The following ABCC9 variants were observed in gnomAD, a reference collection of about 807,000 sequenced individuals.
The protein encoded by ABCC9 is ATP binding cassette subfamily C member 9, also known as ATP-binding cassette sub-family C member 9.
Under a neutral mutation model 188.3 loss-of-function variants are expected in ABCC9, and 95 were observed. That is an observed-to-expected ratio of 0.50 (90% CI 0.43 to 0.60). The LOEUF (loss-of-function observed/expected upper bound fraction) is 0.60, where lower values mean the gene tolerates loss of function less well. ABCC9 is among the 20% of genes least tolerant of loss of function. The probability of loss-of-function intolerance (pLI) is 0.00; values close to 1 mark genes in which losing one functional copy is unlikely to be tolerated. For synonymous variants in ABCC9, 659 were observed against 652.7 expected (o/e 1.01, Z -0.15); for missense variants, 1,102 against 1,876.3 (o/e 0.59, Z 7.62).
At chr12:21,870,061 C>G (rs903312395) in intron 18 of ABCC9, among the ~76,000 whole-genome samples, 1 of 152,086 alleles carries the variant, frequency 6.6e-6, no homozygotes. Context: ...ACATCCTTCA[C>G]CCCCTCCTGC....
chr12:21,884,402 A>G (rs1243912378), intron 15 of ABCC9, among the ~76,000 whole-genome samples: 2 of 152,186 alleles, frequency 1.3e-5, no homozygotes, highest in East Asian at 1.9e-4. Context: ...AATACCTTAT[A>G]GAGACTATGA....
chr12:21,928,279 A>AAAGGAAGG (rs1165315307), intron 4 of ABCC9, among the ~76,000 whole-genome samples: 48 of 89,990 alleles, frequency 5.3e-4, no homozygotes, highest in Non-Finnish European at 8.6e-5. Flanking sequence ...TGGAAGGGGG[A>AAAGGAAGG]AAGGAAGGAA....
At chr12:21,888,020 A>G in intron 14 of ABCC9, 86 bp from the exon 15 acceptor site, 3 of 992,022 alleles carry the variant, frequency 3.0e-6, no homozygotes, top group South Asian at 1.3e-5. Flanking sequence ...TTTAACACAC[A>G]GTATTATGGT....
rs891295248 is a variant in ABCC9, at chr12:21,910,767, T to A, written c.1164+59A>T. The A allele has an allele frequency of 5.4e-6, 8 of 1,489,540 alleles. No individual in the cohort carries two copies. The East Asian group carries it at 1.8e-4, about 34-fold the overall frequency. The allele number at this position is 1,489,540 out of a possible 1,614,324, so 92.3% of individuals were successfully genotyped here. A position where few individuals can be genotyped will look rare whatever the true frequency, so the allele number is the denominator to read the frequency against. On this transcript the variant is annotated intron_variant, in intron 9 of 39. Transcript: ENST00000261200. ...CAAAACTGAAGCTACCGCTATTCTT[T>A]TCACTGAATGGTATATAGCATTCTT...
intron 14 of ABCC9, among the ~76,000 whole-genome samples, chr12:21,890,258 T>C (rs1182450837): frequency 6.6e-6 from 1 of 152,150 alleles, no homozygotes; most frequent in Non-Finnish European, 1.5e-5. Flanking sequence ...AATGACCCGC[T>C]TCTTAAAGTG....
At chr12:21,857,174 T>C (rs1945268159) in intron 22 of ABCC9, among the ~76,000 whole-genome samples, 1 of 152,192 alleles carries the variant, frequency 6.6e-6, no homozygotes. Context: ...GTTTTAAGGT[T>C]ATCTGAGCTG....
At chr12:21,932,033 G>T (rs936969740) in intron 4 of ABCC9, among the ~76,000 whole-genome samples, 13 of 152,042 alleles carry the variant, frequency 8.6e-5, no homozygotes, top group African/African-American at 2.4e-4. Context: ...GGAGGTTCCA[G>T]TTCAATAAGA....
rs372154829 is a variant in ABCC9 at position 21,827,891 on chromosome 12, G to C, written c.3669+1067C>G. Among the ~76,000 whole-genome samples the C allele has an allele frequency of 5.3e-5, 8 of 152,278 alleles. No homozygotes were observed. The East Asian group carries it at 9.6e-4, about 18-fold the overall frequency. On this transcript the variant is annotated intron_variant, in intron 31 of 39. Coordinates refer to ENST00000261200, the MANE Select transcript of ABCC9 (RefSeq NM_020297.4). ...CCAGTGAGAAATCATGATAATAAAAGCTCACAAGGATGTCCAAGATTCTTG... is the reference window on the plus strand; with the variant it reads ...CCAGTGAGAAATCATGATAATAAAACCTCACAAGGATGTCCAAGATTCTTG...
chr12:21,871,925 C>G (rs991197565), intron 18 of ABCC9, among the ~76,000 whole-genome samples: 1 of 152,164 alleles, frequency 6.6e-6, no homozygotes, highest in East Asian at 1.9e-4. Context: ...GAGGAGTCTA[C>G]TAAGTAGGCC....
chr12:21,930,339 A>G (rs1949232141), intron 4 of ABCC9, among the ~76,000 whole-genome samples: 1 of 152,192 alleles, frequency 6.6e-6, no homozygotes, highest in African/African-American at 2.4e-5. Flanking sequence ...GGATAATTAT[A>G]AAAGTGTAAC....
At chr12:21,881,431 G>T (rs753387986) in intron 16 of ABCC9, among the ~76,000 whole-genome samples, 1 of 152,032 alleles carries the variant, frequency 6.6e-6, no homozygotes, top group East Asian at 1.9e-4. Context: ...TGCATGAATG[G>T]TCAATTTTGG....
At chr12:21,898,104 G>A (rs1034856543) in intron 12 of ABCC9, among the ~76,000 whole-genome samples, 1 of 152,152 alleles carries the variant, frequency 6.6e-6, no homozygotes, top group African/African-American at 2.4e-5. Context: ...GCTGCAGTGA[G>A]CTATGTTTGC....
At chr12:21,940,563 G>GA (rs1949650115) in intron 2 of ABCC9, 147 bp downstream of exon 2, 1 of 152,128 alleles carries the variant, frequency 6.6e-6, no homozygotes, top group South Asian at 2.1e-4. Flanking sequence ...TGCCTGATCT[G>GA]AATCCACCCA....
chr12:21,810,240 A>G lies in ABCC9; in HGVS notation c.4212-285T>C, dbSNP rs74069170. 0.021 allele frequency among the ~76,000 whole-genome samples: 3,247 copies of G among 152,276 alleles called. 117 individuals carry two copies. Among genetic ancestry groups the G allele is most frequent in the African/African-American group, 0.074 (3,055 of 41,560 alleles). On this transcript the variant is annotated intron_variant, in intron 36 of 39. Coordinates refer to ENST00000261200, the MANE Select transcript of ABCC9 (RefSeq NM_020297.4). ...TTGTTACCTAGCTCCATTGGCTCCAAACTATGCTTAGTATAACCCAAATAG... is the reference window on the plus strand; with the variant it reads ...TTGTTACCTAGCTCCATTGGCTCCAGACTATGCTTAGTATAACCCAAATAG...
rs1276657264 is a variant in ABCC9 at position 21,798,536 on chromosome 12, T to G, written c.*2508A>C. 2 of 150,576 alleles carry G rather than the reference T, an allele frequency of 1.3e-5. No homozygotes were observed. Among genetic ancestry groups the G allele is most frequent in the East Asian group, 1.9e-4 (1 of 5,158 alleles). 9.3% of individuals were successfully genotyped at this position (150,576 alleles called of 1,614,324 possible). ...TTTGTTTTTTTCTTGTAAATTTGTTTGAGTTCATTGTAGATTCTGGATATT... is the reference window on the plus strand; with the variant it reads ...TTTGTTTTTTTCTTGTAAATTTGTTGGAGTTCATTGTAGATTCTGGATATT... On this transcript the variant is annotated 3_prime_UTR_variant, in exon 40 of 40. Transcript: ENST00000261200.
chr12:21,818,644 CT>C (rs77782399), intron 31 of ABCC9, among the ~76,000 whole-genome samples: 7,351 of 107,338 alleles, frequency 0.068, 557 homozygotes, highest in African/African-American at 0.2. Context: ...GTAGGGTTTA[CT>C]TTTTTTTTTT....
chr12:21,882,287 T>C (rs1946665454), intron 16 of ABCC9, among the ~76,000 whole-genome samples: 1 of 152,132 alleles, frequency 6.6e-6, no homozygotes, highest in Admixed American at 6.6e-5. Context: ...TGCCTTAACT[T>C]AAGCACAATG....
chr12:21,889,701 T>G (rs1179903156), intron 14 of ABCC9, among the ~76,000 whole-genome samples: 1 of 152,172 alleles, frequency 6.6e-6, no homozygotes, highest in Non-Finnish European at 1.5e-5. Context: ...CTTTCCAGTA[T>G]AGACTCAAAG....
chr12:21,820,810 C>T (rs893734069), intron 31 of ABCC9, among the ~76,000 whole-genome samples: 2 of 152,172 alleles, frequency 1.3e-5, no homozygotes, highest in Non-Finnish European at 2.9e-5. Context: ...TTCCTAACTC[C>T]AGCCCTGTGG....
Sources: allele counts gnomAD v4.1 joint callset (sites outside exome capture counted in the v4.1 genomes callset), GRCh38; gene constraint gnomAD v4.1.1; transcripts MANE v1.5; gene names NCBI Gene and HGNC (gene_info 2026-07-23, HGNC 2026-07-21).